Variants in PPP1R7 observed in about 807,000 individuals in gnomAD.
The protein encoded by PPP1R7 is protein phosphatase 1 regulatory subunit 7, also known as protein phosphatase 1 regulatory subunit 22.
A neutral mutation model predicts 45.2 loss-of-function variants in PPP1R7; 18 were observed. The ratio of observed to expected loss-of-function variants is 0.40; its 90% CI spans 0.28 to 0.59. The LOEUF is 0.59. Ranked by LOEUF, PPP1R7 falls within the 20% of genes least tolerant of loss-of-function variation. The pLI, the probability that PPP1R7 is intolerant of heterozygous loss-of-function variation, is 0.46. For synonymous variants in PPP1R7, 181 were observed against 183.4 expected (o/e 0.99, Z 0.11); for missense variants, 314 against 455.8 (o/e 0.69, Z 2.83).
At chr2:241,163,531 A>G (rs1559421923) in intron 7 of PPP1R7, 130 bp downstream of exon 7, 1 of 669,342 alleles carries the variant, frequency 1.5e-6, no homozygotes, top group Non-Finnish European at 2.7e-6. Context: ...AAGCAATTGA[A>G]ACATTAGATG....
Position 241,182,842 on chromosome 2 carries a change from TGTG to T in PPP1R7, c.*22_*24del. The T allele has an allele frequency of 6.2e-7, 1 of 1,601,398 alleles. No homozygotes were observed. Among genetic ancestry groups the T allele is most frequent in the Non-Finnish European group, 8.6e-7 (1 of 1,169,420 alleles). On this transcript the variant is annotated 3_prime_UTR_variant, in exon 10 of 10. Coordinates refer to ENST00000234038, the MANE Select transcript of PPP1R7 (RefSeq NM_002712.3). ...GTTCTGAGTCCTTCTTGGCTCCTCA[TGTG>T]GTCCCTCTCCTCGGAAGAACTGCCC...
chr2:241,150,622 C>T, intron 1 of PPP1R7, 75 bp downstream of exon 1: 1 of 1,443,312 alleles, frequency 6.9e-7, no homozygotes, highest in Admixed American at 2.8e-5. Flanking sequence ...TGCTCCGTGC[C>T]TGAGAGAAAC....
intron 4 of PPP1R7, 160 bp from the exon 5 acceptor site, chr2:241,159,053 C>A: frequency 1.1e-6 from 1 of 870,540 alleles, no homozygotes; most frequent in African/African-American, 1.7e-5. Flanking sequence ...TGCCCTTGCC[C>A]ACCTGCCTCT....
chr2:241,166,217 T>C, intron 7 of PPP1R7, 120 bp from the exon 8 acceptor site: 1 of 854,398 alleles, frequency 1.2e-6, no homozygotes, highest in Non-Finnish European at 1.8e-6. Context: ...CTAGCATGTT[T>C]TAAGTGAAAT....
In PPP1R7 at chr2:241,161,139, C is replaced by T. The variant is rs561536511; in HGVS notation, c.597+645C>T. Among the ~76,000 whole-genome samples the T allele has an allele frequency of 3.9e-5, 5 of 129,018 alleles. No individual in the cohort carries two copies. In the East Asian group the frequency reaches 1.2e-3, roughly 30 times the overall value. 84.6% of individuals were successfully genotyped at this position (129,018 alleles called of 152,430 possible). On this transcript the variant is annotated intron_variant, in intron 6 of 9. Coordinates refer to ENST00000234038, the MANE Select transcript of PPP1R7 (RefSeq NM_002712.3). ...GAGTGAATTGATGTACATACCGGGG[C>T]TTTAGAAAGCCTCTTGATCATGGTC...
chr2:241,181,432 C>T (rs1407006907), intron 9 of PPP1R7, among the ~76,000 whole-genome samples: 1 of 151,964 alleles, frequency 6.6e-6, no homozygotes, highest in Non-Finnish European at 1.5e-5. Flanking sequence ...GGAGTTCCAG[C>T]GCGAGCCCCG....
intron 9 of PPP1R7, among the ~76,000 whole-genome samples, chr2:241,182,002 CAA>C (rs60709076): frequency 2.2e-5 from 3 of 138,094 alleles, no homozygotes; most frequent in Admixed American, 1.5e-4. Flanking sequence ...GACTCTGTCT[CAA>C]AAAAAAAAAA....
intron 6 of PPP1R7, 114 bp downstream of exon 6, chr2:241,160,608 G>A: frequency 1.0e-6 from 1 of 975,892 alleles, no homozygotes; most frequent in East Asian, 3.1e-5. Context: ...TTACAATGCT[G>A]TGATTTTTTT....
At chr2:241,151,122 A>C (rs964834318) in intron 1 of PPP1R7, among the ~76,000 whole-genome samples, 10 of 152,240 alleles carry the variant, frequency 6.6e-5, no homozygotes, top group Non-Finnish European at 1.0e-4. Flanking sequence ...GGAAAAAAAA[A>C]CCACATGCAT....
At chr2:241,169,526 GAC>G (rs1031146382) in intron 8 of PPP1R7, among the ~76,000 whole-genome samples, 3 of 152,184 alleles carry the variant, frequency 2.0e-5, no homozygotes, top group African/African-American at 7.2e-5. Context: ...CTTGGAGTCT[GAC>G]ACAGTCTCAA....
chr2:241,169,981 C>A, intron 9 of PPP1R7, 114 bp downstream of exon 9: 1 of 853,070 alleles, frequency 1.2e-6, no homozygotes, highest in Admixed American at 2.2e-5. Flanking sequence ...CTGAGTGACT[C>A]CGCACATCAT....
intron 8 of PPP1R7, chr2:241,167,000 C>CT (rs1559423895): frequency 6.3e-7 from 1 of 1,577,318 alleles, no homozygotes; most frequent in Admixed American, 1.7e-5. Context: ...CACCTGTCCT[C>CT]ACCTGTTCAT....
intron 9 of PPP1R7, among the ~76,000 whole-genome samples, chr2:241,171,919 G>A (rs2067823522): frequency 6.6e-6 from 1 of 152,112 alleles, no homozygotes; most frequent in Non-Finnish European, 1.5e-5. Context: ...CTTAACCCAT[G>A]CCTTTATAAT....
rs2068036008 is a variant in PPP1R7, at chr2:241,183,089, C to T, written c.*266C>T. The T allele has an allele frequency of 4.1e-6, 2 of 492,164 alleles. No homozygotes were observed. Among genetic ancestry groups the T allele is most frequent in the African/African-American group, 1.9e-5 (1 of 51,470 alleles). The allele number at this position is 492,164 out of a possible 1,614,324, so 30.5% of individuals were successfully genotyped here. A position where few individuals can be genotyped will look rare whatever the true frequency, so the allele number is the denominator to read the frequency against. ...GAACATAAGACACGTTGCGTTCATT[C>T]GCTAGAAATCCCTGTTTCCTTCTCT... is the stretch of plus-strand genomic sequence containing the variant. On this transcript the variant is annotated 3_prime_UTR_variant, in exon 10 of 10. Transcript: ENST00000234038.
At position 241,153,462 on chromosome 2, in the gene PPP1R7, A is replaced by G. The variant is rs905634322; in HGVS notation, c.53-14A>G. ...AAAGTGGATGTGAATTCTCATTGACATGTGTGGGTTCAGTTGACAGGCGGG... is the reference window on the plus strand; with the variant it reads ...AAAGTGGATGTGAATTCTCATTGACGTGTGTGGGTTCAGTTGACAGGCGGG... On this transcript the variant is annotated splice_polypyrimidine_tract_variant and intron_variant, in intron 1 of 9. Transcript: ENST00000234038. The G allele has an allele frequency of 1.9e-6, 3 of 1,610,582 alleles. No individual in the cohort carries two copies. Among genetic ancestry groups the G allele is most frequent in the Non-Finnish European group, 2.5e-6 (3 of 1,178,194 alleles).
intron 7 of PPP1R7, among the ~76,000 whole-genome samples, chr2:241,166,058 A>G (rs1437088642): frequency 3.5e-5 from 5 of 142,330 alleles, no homozygotes; most frequent in Admixed American, 6.9e-5. Context: ...GCCCATCATC[A>G]CACCTGGCTA....
chr2:241,157,435 C>G (rs1241356688), intron 2 of PPP1R7, among the ~76,000 whole-genome samples: 2 of 152,218 alleles, frequency 1.3e-5, no homozygotes, highest in Non-Finnish European at 2.9e-5. Flanking sequence ...TTCTGCAGCT[C>G]TGGGAGTCAC....
chr2:241,169,840 C>T lies in PPP1R7; in HGVS notation c.879C>T (p.Ser293=), dbSNP rs1236903396. 6.2e-7 allele frequency: 1 copy of T among 1,612,530 alleles called. No homozygotes were observed. The highest frequency in any genetic ancestry group is 1.7e-5 in the Admixed American group (1 of 59,992). ...SNRIKKIENI[S]HLTELQEFWM... ...GAATCAAAAAGATTGAAAATATCAGCCATCTAACAGAGCTGCAAGAGTTCT... is the reference window on the plus strand; with the variant it reads ...GAATCAAAAAGATTGAAAATATCAGTCATCTAACAGAGCTGCAAGAGTTCT... The change falls in exon 9 of 10, where the codon AGC becomes AGT. Residue 293 remains serine, a synonymous_variant. Transcript: ENST00000234038.
chr2:241,182,148 T>C (rs1475050449), intron 9 of PPP1R7, among the ~76,000 whole-genome samples: 1 of 152,206 alleles, frequency 6.6e-6, no homozygotes, highest in Non-Finnish European at 1.5e-5. Context: ...GCACTTGGTA[T>C]TGGGTGAAAG....
Sources: allele counts gnomAD v4.1 joint callset (sites outside exome capture counted in the v4.1 genomes callset), GRCh38; gene constraint gnomAD v4.1.1; transcripts MANE v1.5; gene names NCBI Gene and HGNC (gene_info 2026-07-23, HGNC 2026-07-21).